FHIP1A: variants seen among roughly 807,000 people sequenced by gnomAD.
FHIP1A encodes FHF complex subunit HOOK interacting protein 1A.
In FHIP1A, 61 loss-of-function variants were observed where a neutral mutation model predicts 88.6. The ratio of observed to expected loss-of-function variants is 0.69; its 90% CI spans 0.56 to 0.85. The LOEUF (loss-of-function observed/expected upper bound fraction) is 0.85. Among genes scored for constraint, FHIP1A ranks in the 40% least tolerant of loss-of-function variants. The pLI is 0.00. For missense variants in FHIP1A, 1,154 were observed against 1,273.5 expected (o/e 0.91, Z 1.43); for synonymous variants, 478 against 496.0 (o/e 0.96, Z 0.48).
chr4:151,412,355 C>G (rs532238780), intron 1 of FHIP1A, among the ~76,000 whole-genome samples: 3 of 152,242 alleles, frequency 2.0e-5, no homozygotes, highest in Admixed American at 6.5e-5. Context: ...ACCCACCCAC[C>G]TCGGCCTCCC....
At chr4:151,572,170 G>T (rs1005569508) in intron 4 of FHIP1A, among the ~76,000 whole-genome samples, 3 of 152,192 alleles carry the variant, frequency 2.0e-5, no homozygotes, top group Admixed American at 6.5e-5. Context: ...TTGCACCATT[G>T]CACTCCAGCC....
chr4:151,634,561 G>T (rs1485403470), intron 8 of FHIP1A, among the ~76,000 whole-genome samples: 1 of 151,724 alleles, frequency 6.6e-6, no homozygotes, highest in Non-Finnish European at 1.5e-5. Context: ...AAAGACCAAT[G>T]AAACAGAATA....
chr4:151,656,707 G>A lies in FHIP1A; in HGVS notation c.2731-53G>A. On this transcript the variant is annotated intron_variant, in intron 12 of 13. Coordinates refer to ENST00000435205, the MANE Select transcript of FHIP1A (RefSeq NM_001109977.3). This position sits in a 1 kb window ranked among gnomAD's most constrained non-coding sequence, Gnocchi z 4.2. ...CTACCTGCAAGATATATTGATAACTGGGAGTGGAATTTCATGGTGAGGCAT... is the reference window on the plus strand; with the variant it reads ...CTACCTGCAAGATATATTGATAACTAGGAGTGGAATTTCATGGTGAGGCAT... The A allele has an allele frequency of 6.6e-7, 1 of 1,517,290 alleles. No homozygotes were observed. Among genetic ancestry groups the A allele is most frequent in the Non-Finnish European group, 8.9e-7 (1 of 1,124,898 alleles). 94.0% of individuals were successfully genotyped at this position (1,517,290 alleles called of 1,614,324 possible).
chr4:151,659,363 C>A (rs565366975), intron 13 of FHIP1A, among the ~76,000 whole-genome samples: 1 of 152,182 alleles, frequency 6.6e-6, no homozygotes, highest in Non-Finnish European at 1.5e-5. Context: ...TTTACTGTGA[C>A]ATGATTTCCT....
In FHIP1A at chr4:151,646,572, G is replaced by C; in HGVS notation, c.1241G>C (p.Cys414Ser). ...LQLVLRYLIP[C>S]NHMMLSQRWA... ...TGTCATTCTAGGTATCTGATCCCCT[G>C]CAATCACATGATGCTGAGTCAGAGG... is the stretch of plus-strand genomic sequence containing the variant. The change falls in exon 10 of 14, where the codon TGC becomes TCC. Residue 414 changes from cysteine to serine, a missense_variant. Coordinates refer to ENST00000435205, the MANE Select transcript of FHIP1A (RefSeq NM_001109977.3). 1.3e-6 allele frequency: 2 copies of C among 1,551,154 alleles called. No individual in the cohort carries two copies. The highest frequency in any genetic ancestry group is 1.7e-6 in the Non-Finnish European group (2 of 1,146,594).
intron 2 of FHIP1A, among the ~76,000 whole-genome samples, chr4:151,475,459 C>G (rs1301108109): frequency 2.0e-5 from 3 of 152,074 alleles, no homozygotes; most frequent in African/African-American, 7.2e-5. Flanking sequence ...GTAAATAGGT[C>G]ATATGTAAGC....
chr4:151,468,284 CAAAAAAA>C (rs921242622), intron 2 of FHIP1A, among the ~76,000 whole-genome samples: 1 of 38,324 alleles, frequency 2.6e-5, no homozygotes, highest in Non-Finnish European at 5.5e-5. Context: ...GACTCCATCT[CAAAAAAA>C]AAAAAAAAAA....
At chr4:151,454,272 T>G (rs2709834) in intron 1 of FHIP1A, among the ~76,000 whole-genome samples, 79,145 of 151,994 alleles carry the variant, frequency 0.52, 20,901 homozygotes, top group African/African-American at 0.55. Flanking sequence ...CATATCACAT[T>G]GGAGGCACAT....
intron 13 of FHIP1A, among the ~76,000 whole-genome samples, chr4:151,660,202 T>C (rs568757926): frequency 6.6e-4 from 100 of 152,336 alleles, no homozygotes; most frequent in African/African-American, 2.3e-3. Context: ...CCCGGGTCAA[T>C]GTGCTGCCAC....
intron 3 of FHIP1A, among the ~76,000 whole-genome samples, chr4:151,555,426 C>T (rs1332316297): frequency 6.6e-6 from 1 of 151,982 alleles, no homozygotes; most frequent in East Asian, 1.9e-4. Flanking sequence ...TTGACTATGC[C>T]CCCACTTACA....
intron 9 of FHIP1A, among the ~76,000 whole-genome samples, chr4:151,639,748 C>G (rs941505788): frequency 1.3e-5 from 2 of 152,136 alleles, no homozygotes; most frequent in African/African-American, 4.8e-5. Flanking sequence ...AGGGTTTGTG[C>G]TCTTACATGC....
chr4:151,526,883 A>ACGGG (rs915839903), intron 3 of FHIP1A, among the ~76,000 whole-genome samples: 1 of 147,744 alleles, frequency 6.8e-6, no homozygotes, highest in African/African-American at 2.5e-5. Flanking sequence ...CACATCCCGG[A>ACGGG]CGGGGCGGCA....
intron 3 of FHIP1A, among the ~76,000 whole-genome samples, chr4:151,562,117 T>C (rs1733195962): frequency 6.6e-6 from 1 of 152,210 alleles, no homozygotes. Flanking sequence ...GCCTCCTAGC[T>C]CAAAGCTCAG....
At chr4:151,433,245 G>A (rs982537351) in intron 1 of FHIP1A, among the ~76,000 whole-genome samples, 1 of 151,478 alleles carries the variant, frequency 6.6e-6, no homozygotes. Flanking sequence ...GGCTGAGAGA[G>A]TATTGAGGAG....
chr4:151,649,385 A>T (rs1736912550), intron 10 of FHIP1A, 74 bp from the exon 11 acceptor site: 3 of 1,079,620 alleles, frequency 2.8e-6, no homozygotes, highest in Non-Finnish European at 2.7e-6. Flanking sequence ...CTTAGCCCGA[A>T]TGGGTCACAA....
intron 3 of FHIP1A, among the ~76,000 whole-genome samples, chr4:151,504,562 T>TTTATGTTATGTTATG (rs59935750): frequency 0.011 from 1,554 of 145,222 alleles, 38 homozygotes; most frequent in African/African-American, 0.035. Flanking sequence ...GGGAAAAAAT[T>TTTATGTTATGTTATG]TTATGTTATG....
intron 7 of FHIP1A, among the ~76,000 whole-genome samples, chr4:151,606,502 G>C (rs1735079232): frequency 6.6e-6 from 1 of 152,112 alleles, no homozygotes; most frequent in Non-Finnish European, 1.5e-5. Flanking sequence ...ATCTTTTGTA[G>C]CTTCCCTTGA....
At chr4:151,439,448 A>G (rs1211104117) in intron 1 of FHIP1A, among the ~76,000 whole-genome samples, 1 of 151,862 alleles carries the variant, frequency 6.6e-6, no homozygotes, top group Non-Finnish European at 1.5e-5. Context: ...CCTTACCCCT[A>G]GAAGGATTTG....
intron 3 of FHIP1A, among the ~76,000 whole-genome samples, chr4:151,511,130 G>A (rs1042816001): frequency 1.3e-5 from 2 of 152,162 alleles, no homozygotes; most frequent in Admixed American, 6.5e-5. Flanking sequence ...CAACTAGACA[G>A]AGAGCTCTTT....
Sources: gnomAD v4.1 joint callset for allele counts (sites outside exome capture counted in the v4.1 genomes callset) on GRCh38, gnomAD v4.1.1 for gene constraint, Gnocchi (gnomAD v3.1) non-coding constraint, MANE v1.5 for transcripts, NCBI Gene and HGNC (gene_info 2026-07-23, HGNC 2026-07-21) for gene names.